Variants in ZNF112 observed in about 807,000 individuals in gnomAD.
ZNF112 encodes zinc finger protein 112 (Y14).
Under a neutral mutation model 77.7 loss-of-function variants are expected in ZNF112, and 37 were observed. The observed-to-expected ratio is 0.48, with a 90% CI of 0.37 to 0.63. ZNF112 has a LOEUF of 0.63. ZNF112 is among the 20% of genes least tolerant of loss of function. The pLI is 0.00. For missense variants in ZNF112, 950 were observed against 1,077.4 expected (o/e 0.88, Z 1.66); for synonymous variants, 333 against 363.6 (o/e 0.92, Z 0.96).
At chr19:44,344,892 G>C (rs1367930910) in intron 1 of ZNF112, among the ~76,000 whole-genome samples, 2 of 152,192 alleles carry the variant, frequency 1.3e-5, no homozygotes, top group African/African-American at 4.8e-5. Context: ...ACATGCTTTA[G>C]AGGAACTCCC....
Position 44,328,941 on chromosome 19 carries a change from C to T in ZNF112, c.1216G>A (p.Glu406Lys). 6.2e-7 allele frequency: 1 copy of T among 1,613,944 alleles called. No homozygotes were observed. The highest frequency in any genetic ancestry group is 8.5e-7 in the Non-Finnish European group (1 of 1,179,968). The change falls in exon 4 of 4, where the codon GAG (glutamate) becomes AAG (lysine). Residue 406 changes from glutamate to lysine, a missense_variant. Around this residue, in one of 3 missense-constraint regions of ZNF112, gnomAD observed 560 missense variants for 557.3 expected, o/e 1.00. Transcript: ENST00000354340. ...TACTCTATATCTGTGTATAGTTTCT[C>T]TTCAGTGTGGATTTTTTGATGGACT... ...LQVHQKIHTE[E>K]KLYTDIEYGK...
chr19:44,360,896 T>C (rs1266633291), upstream of ZNF112, among the ~76,000 whole-genome samples: 1 of 152,176 alleles, frequency 6.6e-6, no homozygotes, highest in East Asian at 1.9e-4. Flanking sequence ...AAAATACACA[T>C]ATAAGAATGT....
chr19:44,350,044 A>T (rs573138418), intron 1 of ZNF112, among the ~76,000 whole-genome samples: 54 of 152,220 alleles, frequency 3.5e-4, no homozygotes, highest in Non-Finnish European at 6.6e-4. Context: ...TTACCAAAGA[A>T]GGTACAAATA....
chr19:44,336,507 C>T (rs1360081689), intron 3 of ZNF112, 116 bp downstream of exon 3: 5 of 857,962 alleles, frequency 5.8e-6, no homozygotes, highest in African/African-American at 5.0e-5. Flanking sequence ...GTACTTTAAA[C>T]TTACTATGTG....
At chr19:44,348,119 G>T (rs546568020) in intron 1 of ZNF112, among the ~76,000 whole-genome samples, 2 of 152,204 alleles carry the variant, frequency 1.3e-5, no homozygotes, top group East Asian at 1.9e-4. Context: ...CTGTATTCAA[G>T]AATTTTTGTT....
At chr19:44,355,014 T>C (rs1970761045) in intron 1 of ZNF112, among the ~76,000 whole-genome samples, 2 of 151,886 alleles carry the variant, frequency 1.3e-5, no homozygotes, top group African/African-American at 4.8e-5. Flanking sequence ...TGACAATCAA[T>C]CAAACGATAT....
Position 44,329,551 on chromosome 19 carries a change from A to T in ZNF112, c.606T>A (p.Cys202Ter). Residue 202 changes from cysteine (C) to a stop codon, truncating the protein, a stop_gained, in exon 4 of 4, where the codon TGT becomes TGA. Transcript: ENST00000354340. LOFTEE classifies it high-confidence loss of function. ...AGAGCCAACTGACACTGTCACACTTACAGAAATGATTTTTCATGGAAATTT... is the reference window on the plus strand; with the variant it reads ...AGAGCCAACTGACACTGTCACACTTTCAGAAATGATTTTTCATGGAAATTT... ...CQQISMKNHF[C>*]KCDSVSWLSH... 6.2e-7 allele frequency: 1 copy of T among 1,614,098 alleles called. No individual in the cohort carries two copies. The highest frequency in any genetic ancestry group is 1.7e-5 in the Admixed American group (1 of 60,006).
chr19:44,328,371 C>T lies in ZNF112; in HGVS notation c.1786G>A (p.Val596Ile), dbSNP rs1970177587. Reference protein sequence around the residue: ...RNSYLQGHQRVHTGEKPYKCE... With the variant: ...RNSYLQGHQRIHTGEKPYKCE... ...TTGTATGGTTTTTCTCCAGTGTGAA[C>T]TCTCTGATGGCCTTGAAGGTATGAA... Residue 596 changes from valine to isoleucine, a missense_variant, in exon 4 of 4, where the codon GTT becomes ATT. Around this residue, in one of 3 missense-constraint regions of ZNF112, gnomAD observed 373 missense variants for 482.8 expected, o/e 0.77. Transcript: ENST00000354340. 6.2e-7 allele frequency: 1 copy of T among 1,613,822 alleles called. No individual in the cohort carries two copies. The highest frequency in any genetic ancestry group is 8.5e-7 in the Non-Finnish European group (1 of 1,179,972).
Position 44,329,251 on chromosome 19 carries a change from CTCAA to C in ZNF112, c.902_905del (p.Ile301ArgfsTer11). ...GTGAATTCTCAATATCATCTTCTCT[CTCAA>C]TATTTTGATGAATATGAAGAAGTGA... On this transcript the variant is annotated frameshift_variant, in exon 4 of 4. Transcript: ENST00000354340. LOFTEE classifies it high-confidence loss of function. 6.2e-7 allele frequency: 1 copy of C among 1,613,898 alleles called. No homozygotes were observed. The highest frequency in any genetic ancestry group is 8.5e-7 in the Non-Finnish European group (1 of 1,179,984).
Position 44,327,333 on chromosome 19 carries a change from G to T in ZNF112, c.*100C>A. 1 of 955,028 alleles carries T rather than the reference G, an allele frequency of 1.0e-6. No individual in the cohort carries two copies. Among genetic ancestry groups the T allele is most frequent in the Non-Finnish European group, 1.5e-6 (1 of 653,750 alleles). The allele number at this position is 955,028 out of a possible 1,614,324, so 59.2% of individuals were successfully genotyped here. ...GTGTGGTCTCCTGGCCATTATGAAT[G>T]TTGAAGTTGGGCAGCAACATTACAT... On this transcript the variant is annotated 3_prime_UTR_variant, in exon 4 of 4. Coordinates refer to ENST00000354340, the MANE Select transcript of ZNF112 (RefSeq NM_013380.4).
At chr19:44,353,946 C>T (rs1423087602) in intron 1 of ZNF112, among the ~76,000 whole-genome samples, 1 of 151,828 alleles carries the variant, frequency 6.6e-6, no homozygotes, top group African/African-American at 2.4e-5. Context: ...TTCATAAATG[C>T]CAAAAAGTGG....
chr19:44,350,258 G>T (rs1221292979), intron 1 of ZNF112, among the ~76,000 whole-genome samples: 1 of 151,998 alleles, frequency 6.6e-6, no homozygotes, highest in African/African-American at 2.4e-5. Flanking sequence ...ACCACTAGTG[G>T]CAACAGTGAA....
At chr19:44,352,096 T>G (rs1055965166) in intron 1 of ZNF112, among the ~76,000 whole-genome samples, 1 of 151,982 alleles carries the variant, frequency 6.6e-6, no homozygotes, top group East Asian at 1.9e-4. Flanking sequence ...AGAGTTTGAC[T>G]ACAAAAAGGT....
rs753236152 is a variant in ZNF112 at position 44,327,764 on chromosome 19, G to C, written c.2393C>G (p.Pro798Arg). The C allele has an allele frequency of 1.4e-5, 23 of 1,613,834 alleles. No homozygotes were observed. Among genetic ancestry groups the C allele is most frequent in the Middle Eastern group, 1.6e-4 (1 of 6,062 alleles). Residue 798 changes from proline to arginine, a missense_variant, in exon 4 of 4, where the codon CCC becomes CGC. Coordinates refer to ENST00000354340, the MANE Select transcript of ZNF112 (RefSeq NM_013380.4). ...CTTACCACACTGTTCACATTTATAG[G>C]GTCTCCCTTCCACATGAACCCTTTG... ...AHQRVHVEGRPYKCEQCGKGF... is the reference protein window; with the variant it reads ...AHQRVHVEGRRYKCEQCGKGF...
intron 1 of ZNF112, among the ~76,000 whole-genome samples, chr19:44,349,516 T>G (rs1970654741): frequency 6.6e-6 from 1 of 152,020 alleles, no homozygotes; most frequent in Non-Finnish European, 1.5e-5. Flanking sequence ...ATCAAACCTA[T>G]GTCAACACTG....
At chr19:44,363,234 G>A (rs1970871185) in intron 1 of ZNF112, among the ~76,000 whole-genome samples, 1 of 151,986 alleles carries the variant, frequency 6.6e-6, no homozygotes, top group South Asian at 2.1e-4. Flanking sequence ...GCCTCCTAAA[G>A]TGCTGGCATT....
chr19:44,336,594 C>T (rs1970370798), intron 3 of ZNF112, 29 bp downstream of exon 3: 2 of 1,581,376 alleles, frequency 1.3e-6, no homozygotes, highest in Non-Finnish European at 1.7e-6. Flanking sequence ...GGCTCCCTGG[C>T]TGCTGTGTTC....
chr19:44,347,330 T>TA (rs1461944360), intron 1 of ZNF112, among the ~76,000 whole-genome samples: 1 of 152,074 alleles, frequency 6.6e-6, no homozygotes, highest in East Asian at 1.9e-4. Flanking sequence ...TATCCAATCT[T>TA]ACAATATATT....
intron 1 of ZNF112, among the ~76,000 whole-genome samples, chr19:44,354,882 G>A (rs181414283): frequency 1.3e-5 from 2 of 152,256 alleles, no homozygotes; most frequent in East Asian, 3.9e-4. Context: ...GCATCCCCTA[G>A]CTTCCTCAAG....
Sources: gnomAD v4.1 joint callset for allele counts (sites outside exome capture counted in the v4.1 genomes callset) on GRCh38, gnomAD v4.1.1 for gene constraint, gnomAD v4.1.1 regional missense constraint, MANE v1.5 for transcripts, NCBI Gene and HGNC (gene_info 2026-07-23, HGNC 2026-07-21) for gene names.